FUT8: variants seen among roughly 807,000 people sequenced by gnomAD.
The protein encoded by FUT8 is alpha-(1,6)-fucosyltransferase.
FUT8 carries 29 observed loss-of-function variants against 71.3 expected under a neutral mutation model. The observed-to-expected ratio is 0.41, with a 90% CI of 0.30 to 0.55. The LOEUF is 0.55. FUT8 is among the 20% of genes least tolerant of loss of function. The probability of loss-of-function intolerance (pLI) is 0.34; values close to 1 mark genes in which losing one functional copy is unlikely to be tolerated. For synonymous variants in FUT8, 254 were observed against 239.3 expected, an observed-to-expected ratio of 1.06 and a Z score of -0.57; for missense variants, 544 against 702.1, an observed-to-expected ratio of 0.77 and a Z score of 2.55.
At chr14:65,437,953 T>G (rs2065585996) in intron 1 of FUT8, among the ~76,000 whole-genome samples, 1 of 152,162 alleles carries the variant, frequency 6.6e-6, no homozygotes, top group African/African-American at 2.4e-5. Context: ...TCTGCTTTGG[T>G]GTTTTCTGTT....
intron 7 of FUT8, among the ~76,000 whole-genome samples, chr14:65,695,217 T>C (rs1893933566): frequency 6.6e-6 from 1 of 152,202 alleles, no homozygotes; most frequent in South Asian, 2.1e-4. Flanking sequence ...TTTACCAATA[T>C]TCTCCCTGCT....
In FUT8 at chr14:65,604,838, TTCCTCACTTTCCA is replaced by T. The variant is rs1174102186; in HGVS notation, c.204-11139_204-11127del. On this transcript the variant is annotated intron_variant, in intron 3 of 10. Transcript: ENST00000673929. ...ATATAACTTCTTAATCCCACTTTCC[TTCCTCACTTTCCA>T]GAGGAATTTTTATTCTGAGTGTTGT... is the stretch of plus-strand genomic sequence containing the variant. Among the ~76,000 whole-genome samples the T allele has an allele frequency of 1.5e-4, 23 of 151,958 alleles. 1 individual carries two copies. Among genetic ancestry groups the T allele is most frequent in the Non-Finnish European group, 1.5e-5 (1 of 67,914 alleles).
At chr14:65,717,910 A>G (rs1895209342) in intron 7 of FUT8, among the ~76,000 whole-genome samples, 2 of 152,156 alleles carry the variant, frequency 1.3e-5, no homozygotes, top group Non-Finnish European at 2.9e-5. Flanking sequence ...TTTCATTGGC[A>G]TGAAATATCT....
rs1358399155 is a variant in FUT8, at chr14:65,743,835, C to CAG, written c.*1428_*1429dup. The stretch of plus-strand genomic sequence containing the variant: ...CTTATTGTATGTAGCCTGCCTCCTA[C>CAG]AGAGGCCTGGTAGGTGTTACTGCAT... On this transcript the variant is annotated 3_prime_UTR_variant, in exon 11 of 11. Coordinates refer to ENST00000673929, the MANE Select transcript of FUT8 (RefSeq NM_001371533.1). The CAG allele has an allele frequency of 6.6e-6, 1 of 151,982 alleles. No homozygotes were observed. Among genetic ancestry groups the CAG allele is most frequent in the East Asian group, 1.9e-4 (1 of 5,134 alleles). 9.4% of individuals were successfully genotyped at this position (151,982 alleles called of 1,614,324 possible). A position where few individuals can be genotyped will look rare whatever the true frequency, so the allele number is the denominator to read the frequency against.
At chr14:65,537,349 T>TATA (rs1884385133) in intron 2 of FUT8, among the ~76,000 whole-genome samples, 1 of 151,642 alleles carries the variant, frequency 6.6e-6, no homozygotes, top group African/African-American at 2.4e-5. Context: ...TGTTGGAGTT[T>TATA]TTATTATTAT....
At position 65,660,322 on chromosome 14, in the gene FUT8, A is replaced by C. The variant is rs549114174; in HGVS notation, c.598-8921A>C. 6.6e-6 allele frequency among the ~76,000 whole-genome samples: 1 copy of C among 152,190 alleles called. No individual in the cohort carries two copies. Among genetic ancestry groups the C allele is most frequent in the Admixed American group, 6.5e-5 (1 of 15,274 alleles). On this transcript the variant is annotated intron_variant, in intron 6 of 10. Transcript: ENST00000673929. This position sits in a 1 kb window ranked among gnomAD's most constrained non-coding sequence, Gnocchi z 4.1. Reference sequence around the variant, plus strand: ...TTTCTATTGGATTTATGGAATTTCCATCTTTTAAAAATGACTTTAAAGCAT... The same window carrying C: ...TTTCTATTGGATTTATGGAATTTCCCTCTTTTAAAAATGACTTTAAAGCAT...
chr14:65,527,517 C>G (rs890359984), intron 2 of FUT8, among the ~76,000 whole-genome samples: 1 of 152,148 alleles, frequency 6.6e-6, no homozygotes, highest in African/African-American at 2.4e-5. Flanking sequence ...GAACTTCCTC[C>G]TTTAGCTTGG....
intron 6 of FUT8, among the ~76,000 whole-genome samples, chr14:65,631,950 A>G (rs1890204961): frequency 6.6e-6 from 1 of 151,860 alleles, no homozygotes; most frequent in South Asian, 2.1e-4. Flanking sequence ...AACATATGGT[A>G]TTTGGTTTTC....
intron 2 of FUT8, among the ~76,000 whole-genome samples, chr14:65,501,018 T>C (rs1594705500): frequency 6.6e-6 from 1 of 152,334 alleles, no homozygotes; most frequent in East Asian, 1.9e-4. Context: ...AAATATTTTC[T>C]TATGGACTTA....
intron 10 of FUT8, among the ~76,000 whole-genome samples, chr14:65,739,686 G>A (rs918222673): frequency 6.6e-6 from 1 of 152,004 alleles, no homozygotes; most frequent in Non-Finnish European, 1.5e-5. Flanking sequence ...GTTTACCCAA[G>A]ACTGTCTTTG....
rs890154666 is a variant in FUT8 at position 65,603,015 on chromosome 14, CTGTT to C, written c.204-12957_204-12954del. Among the ~76,000 whole-genome samples the C allele has an allele frequency of 6.6e-6, 1 of 151,838 alleles. No homozygotes were observed. Among genetic ancestry groups the C allele is most frequent in the Admixed American group, 6.6e-5 (1 of 15,206 alleles). Reference sequence around the variant, plus strand: ...GCTCTTTAGTTTAATTAAGTCCCACCTGTTTGTTTTTGTTACGTTTGCTTTTGAA... The same window carrying C: ...GCTCTTTAGTTTAATTAAGTCCCACCTGTTTTTGTTACGTTTGCTTTTGAA... On this transcript the variant is annotated intron_variant, in intron 3 of 10. Transcript: ENST00000673929. The surrounding 1 kb of genome is among the most constrained non-coding windows in gnomAD (Gnocchi z 4.5).
Position 65,653,159 on chromosome 14 carries a change from TCTC to T in FUT8, c.598-16080_598-16078del, listed in dbSNP as rs1891493623. Reference sequence around the variant, plus strand: ...CTAGGTAGAAGAGGAGAGGTAGAGATCTCCTCTCTTGGTGGAGAGGGGATGGTT... The same window carrying T: ...CTAGGTAGAAGAGGAGAGGTAGAGATCTCTCTTGGTGGAGAGGGGATGGTT... On this transcript the variant is annotated intron_variant, in intron 6 of 10. Coordinates refer to ENST00000673929, the MANE Select transcript of FUT8 (RefSeq NM_001371533.1). 2.0e-5 allele frequency among the ~76,000 whole-genome samples: 3 copies of T among 152,140 alleles called. No individual in the cohort carries two copies. In the South Asian group the frequency reaches 6.3e-4, roughly 32 times the overall value.
At chr14:65,636,650 G>C (rs1262643634) in intron 6 of FUT8, 1 of 152,114 alleles carries the variant, frequency 6.6e-6, no homozygotes, top group African/African-American at 2.4e-5. Context: ...TGTTTGCATG[G>C]TTTTAAAGGT....
chr14:65,491,211 C>G (rs986189946), intron 2 of FUT8, among the ~76,000 whole-genome samples: 8 of 152,120 alleles, frequency 5.3e-5, no homozygotes, highest in Non-Finnish European at 8.8e-5. Flanking sequence ...AATCCCCAGA[C>G]TCAACAACTC....
intron 3 of FUT8, among the ~76,000 whole-genome samples, chr14:65,599,306 T>C (rs1013646668): frequency 1.2e-4 from 18 of 152,190 alleles, no homozygotes; most frequent in African/African-American, 4.3e-4. Context: ...TCATTGAGCA[T>C]TACCATGTTT....
At chr14:65,586,359 A>G (rs567736748) in intron 3 of FUT8, among the ~76,000 whole-genome samples, 6 of 152,328 alleles carry the variant, frequency 3.9e-5, no homozygotes, top group African/African-American at 1.4e-4. Flanking sequence ...GTTCTTAGCT[A>G]AGACACCAGC....
intron 1 of FUT8, among the ~76,000 whole-genome samples, chr14:65,435,136 C>G (rs893174764): frequency 1.3e-5 from 2 of 152,172 alleles, no homozygotes; most frequent in African/African-American, 4.8e-5. Flanking sequence ...GCTCAGGTCC[C>G]TTATGTAAAA....
Position 65,742,367 on chromosome 14 carries a change from T to C in FUT8, c.1685T>C (p.Ile562Thr), listed in dbSNP as rs746403209. Residue 562 changes from isoleucine (I) to threonine (T), a missense_variant, in exon 11 of 11, where the codon ATA becomes ACA. Ile to Thr is a moderately conservative substitution (Grantham distance 89). Transcript: ENST00000673929. ...LYPSYKVREK[I>T]ETVKYPTYPE... ...CCCTCCTACAAAGTTCGAGAGAAGA[T>C]AGAAACGGTCAAGTACCCCACATAT... The C allele has an allele frequency of 1.2e-6, 2 of 1,612,532 alleles. No homozygotes were observed. The highest frequency in any genetic ancestry group is 1.7e-6 in the Non-Finnish European group (2 of 1,179,134).
At chr14:65,440,013 C>T (rs1191563114) in intron 1 of FUT8, among the ~76,000 whole-genome samples, 1 of 131,366 alleles carries the variant, frequency 7.6e-6, no homozygotes, top group Non-Finnish European at 1.6e-5. Flanking sequence ...CAGTGGAATA[C>T]TGTTCAGCTT....
Sources: allele counts gnomAD v4.1 joint callset (sites outside exome capture counted in the v4.1 genomes callset), GRCh38; gene constraint gnomAD v4.1.1; non-coding constraint Gnocchi (gnomAD v3.1); transcripts MANE v1.5; gene names NCBI Gene and HGNC (gene_info 2026-07-23, HGNC 2026-07-21).